The following EML6 variants were observed in gnomAD, a reference collection of about 807,000 sequenced individuals.
EML6 encodes EMAP like 6.
EML6 carries 154 observed loss-of-function variants against 240.1 expected under a neutral mutation model. The observed-to-expected ratio is 0.64, with a 90% CI of 0.56 to 0.73. The LOEUF is 0.73. Among genes scored for constraint, EML6 ranks in the 30% least tolerant of loss-of-function variants. The pLI is 0.00. For synonymous variants in EML6, 1,148 were observed against 899.0 expected, an observed-to-expected ratio of 1.28 and a Z score of -4.95; for missense variants, 2,964 against 2,474.6, an observed-to-expected ratio of 1.20 and a Z score of -4.20.
At chr2:54,843,982 G>A in intron 7 of EML6, 65 bp from the exon 8 acceptor site, 1 of 977,130 alleles carries the variant, frequency 1.0e-6, no homozygotes, top group Admixed American at 2.0e-5. Context: ...GTGTGTGTGT[G>A]TGTGTGTGTG....
intron 10 of EML6, 95 bp from the exon 11 acceptor site, chr2:54,853,548 T>C: frequency 1.2e-6 from 1 of 830,370 alleles, no homozygotes; most frequent in East Asian, 2.9e-5. Flanking sequence ...GTTTTCTGTA[T>C]TTACAAAAGT....
intron 28 of EML6, among the ~76,000 whole-genome samples, chr2:54,939,260 C>T (rs1016436784): frequency 1.3e-5 from 2 of 152,212 alleles, no homozygotes; most frequent in South Asian, 2.1e-4. Flanking sequence ...CAGCATTCTC[C>T]ATCTGGCTTC....
At chr2:54,729,252 C>G (rs1217668646) in intron 2 of EML6, among the ~76,000 whole-genome samples, 2 of 152,216 alleles carry the variant, frequency 1.3e-5, no homozygotes, top group Non-Finnish European at 2.9e-5. Context: ...TGCAGTCTCA[C>G]CTCTCCCATG....
In EML6 at chr2:54,961,668, G is replaced by A. The variant is rs540472005; in HGVS notation, c.4969-855G>A. On this transcript the variant is annotated intron_variant, in intron 35 of 41. Transcript: ENST00000356458. ...CTGATGGAGAAAGGGCAAAGTAAGAGGGTGGAGAAGAGCAATTAAGAATGG... is the reference window on the plus strand; with the variant it reads ...CTGATGGAGAAAGGGCAAAGTAAGAAGGTGGAGAAGAGCAATTAAGAATGG... Among the ~76,000 whole-genome samples, 47 of 152,158 alleles carry A rather than the reference G, an allele frequency of 3.1e-4. No individual in the cohort carries two copies. In the South Asian group the frequency reaches 7.7e-3, roughly 25 times the overall value.
At chr2:54,826,361 G>A (rs906788851) in intron 5 of EML6, among the ~76,000 whole-genome samples, 1 of 152,230 alleles carries the variant, frequency 6.6e-6, no homozygotes, top group Admixed American at 6.5e-5. Context: ...GGTTTTGAGA[G>A]GCCAAGTGGG....
intron 17 of EML6, among the ~76,000 whole-genome samples, chr2:54,884,831 C>T (rs147260257): frequency 1.4e-4 from 21 of 152,150 alleles, no homozygotes; most frequent in South Asian, 2.1e-4. Flanking sequence ...TCTAGTCTCT[C>T]TAAAGTATAT....
At chr2:54,869,702 ATATT>A (rs56856747) in intron 15 of EML6, among the ~76,000 whole-genome samples, 5,968 of 152,288 alleles carry the variant, frequency 0.039, 396 homozygotes, top group African/African-American at 0.13. Flanking sequence ...TACTCAATAA[ATATT>A]TATTGAATGA....
At chr2:54,743,036 A>G (rs553936533) in intron 2 of EML6, among the ~76,000 whole-genome samples, 2 of 152,366 alleles carry the variant, frequency 1.3e-5, no homozygotes, top group African/African-American at 4.8e-5. Context: ...CATATTAAAC[A>G]TTAAAGTAAA....
Position 54,869,152 on chromosome 2 carries a change from A to G in EML6, c.2052-29A>G, listed in dbSNP as rs1312100304. The G allele has an allele frequency of 8.1e-6, 12 of 1,482,270 alleles. No homozygotes were observed. In the East Asian group the frequency reaches 1.2e-4, roughly 15 times the overall value. 91.8% of individuals were successfully genotyped at this position (1,482,270 alleles called of 1,614,324 possible). A position where few individuals can be genotyped will look rare whatever the true frequency, so the allele number is the denominator to read the frequency against. ...CCATGCATTTGCTGTTTGTTCAACC[A>G]CTATGCATTTCTTGGACCTGTGCTT... is the stretch of plus-strand genomic sequence containing the variant. On this transcript the variant is annotated intron_variant, in intron 14 of 41. Transcript: ENST00000356458.
At chr2:54,786,293 A>G (rs909562127) in intron 2 of EML6, among the ~76,000 whole-genome samples, 1 of 152,084 alleles carries the variant, frequency 6.6e-6, no homozygotes, top group African/African-American at 2.4e-5. Context: ...TGCTACTCTT[A>G]TCTTAAACAC....
intron 7 of EML6, among the ~76,000 whole-genome samples, chr2:54,839,787 G>C (rs1277282311): frequency 6.6e-6 from 1 of 152,154 alleles, no homozygotes; most frequent in African/African-American, 2.4e-5. Context: ...GAGCTCCCTG[G>C]ATATGGTCTG....
At chr2:54,784,343 T>G (rs760590240) in intron 2 of EML6, among the ~76,000 whole-genome samples, 71 of 152,204 alleles carry the variant, frequency 4.7e-4, no homozygotes, top group Non-Finnish European at 9.3e-4. Flanking sequence ...TTTTGCTATA[T>G]TAGAATAAAT....
In EML6 at chr2:54,950,737, T is replaced by C. The variant is rs1433833286; in HGVS notation, c.4171T>C (p.Phe1391Leu). ...HYLNDGADII[F>L]HTAAAGIVQN... ...CCTTAATGATGGCGCTGACATCATC[T>C]TCCACACAGCAGCGGCTGGCATCGT... Residue 1391 changes from phenylalanine (F) to leucine (L), a missense_variant, in exon 30 of 42, where the codon TTC (phenylalanine) becomes CTC (leucine). By Grantham distance (22) the Phe-to-Leu change is conservative (BLOSUM62 0). Transcript: ENST00000356458. 3 of 1,551,524 alleles carry C rather than the reference T, an allele frequency of 1.9e-6. No homozygotes were observed. Among genetic ancestry groups the C allele is most frequent in the Non-Finnish European group, 2.6e-6 (3 of 1,146,962 alleles).
chr2:54,857,274 G>A (rs762194501), intron 11 of EML6, among the ~76,000 whole-genome samples: 9 of 152,086 alleles, frequency 5.9e-5, no homozygotes, highest in Admixed American at 4.6e-4. Flanking sequence ...TGGCAGTCAC[G>A]TTGACAGCAC....
At chr2:54,878,610 C>G (rs138910321) in intron 16 of EML6, among the ~76,000 whole-genome samples, 1 of 152,022 alleles carries the variant, frequency 6.6e-6, no homozygotes, top group African/African-American at 2.4e-5. Flanking sequence ...ACCTAAATGT[C>G]CAAATTATAG....
At chr2:54,911,768 G>A (rs1673654515) in intron 25 of EML6, among the ~76,000 whole-genome samples, 1 of 152,154 alleles carries the variant, frequency 6.6e-6, no homozygotes, top group Admixed American at 6.6e-5. Context: ...AAAACAATCT[G>A]CAATCTGACC....
chr2:54,888,642 T>G (rs140189419), intron 17 of EML6, among the ~76,000 whole-genome samples: 1 of 152,316 alleles, frequency 6.6e-6, no homozygotes, highest in Non-Finnish European at 1.5e-5. Flanking sequence ...GATTGGCTTC[T>G]TTTACTTAAT....
intron 26 of EML6, among the ~76,000 whole-genome samples, chr2:54,925,195 C>A (rs928807967): frequency 2.6e-5 from 4 of 152,100 alleles, no homozygotes; most frequent in African/African-American, 9.7e-5. Context: ...TCCACACACA[C>A]ACCGCCCGCT....
intron 19 of EML6, 136 bp from the exon 20 acceptor site, chr2:54,894,779 C>A: frequency 1.7e-6 from 1 of 602,924 alleles, no homozygotes; most frequent in Non-Finnish European, 3.0e-6. Context: ...ATTGTTATCA[C>A]CAGAGTTTTC....
Sources: allele counts gnomAD v4.1 joint callset (sites outside exome capture counted in the v4.1 genomes callset), GRCh38; gene constraint gnomAD v4.1.1; transcripts MANE v1.5; gene names NCBI Gene and HGNC (gene_info 2026-07-23, HGNC 2026-07-21).